CCDC148: variants seen among roughly 807,000 people sequenced by gnomAD.
The protein encoded by CCDC148 is coiled-coil domain-containing protein 148.
CCDC148 carries 89 observed loss-of-function variants against 85.7 expected under a neutral mutation model. That is an observed-to-expected ratio of 1.04 (90% CI 0.87 to 1.24). The LOEUF (loss-of-function observed/expected upper bound fraction) is 1.24, where lower values mean the gene tolerates loss of function less well. CCDC148 is among the 50% of genes most tolerant of loss of function. CCDC148 has a pLI of 0.00. For missense variants in CCDC148, 692 were observed against 671.7 expected (o/e 1.03, Z -0.33); for synonymous variants, 230 against 213.9 (o/e 1.08, Z -0.66).
intron 11 of CCDC148, among the ~76,000 whole-genome samples, chr2:158,185,299 G>A (rs1014890889): frequency 6.6e-6 from 1 of 152,082 alleles, no homozygotes; most frequent in Non-Finnish European, 1.5e-5. Flanking sequence ...CCCTCTGATG[G>A]ACAAAACACT....
intron 2 of CCDC148, among the ~76,000 whole-genome samples, chr2:158,351,885 G>C (rs13017470): frequency 6.8e-6 from 1 of 147,838 alleles, no homozygotes; most frequent in South Asian, 2.2e-4. Flanking sequence ...ATCTGAGAAC[G>C]GGCAGACTGC....
At chr2:158,444,785 G>GAAAAAAAAAAA (rs11433320) in intron 1 of CCDC148, among the ~76,000 whole-genome samples, 1 of 66,662 alleles carries the variant, frequency 1.5e-5, no homozygotes, top group Non-Finnish European at 2.5e-5. Flanking sequence ...ACCCTGTCTT[G>GAAAAAAAAAAA]AAAAAAAAAA....
intron 1 of CCDC148, among the ~76,000 whole-genome samples, chr2:158,406,094 C>T (rs2543645): frequency 0.89 from 135,073 of 151,992 alleles, 60,772 homozygotes; most frequent in Non-Finnish European, 0.96. Context: ...TTTTGATCTC[C>T]CCACCTGCAT....
At chr2:158,258,085 T>C (rs1271859800) in intron 9 of CCDC148, among the ~76,000 whole-genome samples, 1 of 151,902 alleles carries the variant, frequency 6.6e-6, no homozygotes, top group African/African-American at 2.4e-5. Flanking sequence ...ATTCATTAAC[T>C]GGATCATGAA....
At chr2:158,385,631 A>G (rs1685054115) in intron 1 of CCDC148, among the ~76,000 whole-genome samples, 2 of 152,164 alleles carry the variant, frequency 1.3e-5, no homozygotes. Context: ...ATTCATCCTA[A>G]TGATATAATC....
At chr2:158,267,086 C>T (rs1455326754) in intron 9 of CCDC148, among the ~76,000 whole-genome samples, 1 of 151,854 alleles carries the variant, frequency 6.6e-6, no homozygotes, top group Non-Finnish European at 1.5e-5. Flanking sequence ...TCAACCTCTC[C>T]CGAACTAGAT....
chr2:158,272,658 G>A (rs894545341), intron 9 of CCDC148, among the ~76,000 whole-genome samples: 3 of 152,152 alleles, frequency 2.0e-5, no homozygotes, highest in African/African-American at 7.2e-5. Context: ...GCTTATTGCA[G>A]AGGATGAGGC....
chr2:158,364,896 A>T (rs1489097649), intron 1 of CCDC148, among the ~76,000 whole-genome samples: 1 of 152,134 alleles, frequency 6.6e-6, no homozygotes, highest in African/African-American at 2.4e-5. Context: ...TGGGAAAAAA[A>T]TTTTGCAATT....
chr2:158,207,681 G>A (rs1256506121), intron 11 of CCDC148: 1 of 152,158 alleles, frequency 6.6e-6, no homozygotes, highest in Non-Finnish European at 1.5e-5. Context: ...ATTTAATACA[G>A]GCAGGCAGAA....
chr2:158,381,395 C>T (rs532890567), intron 1 of CCDC148, among the ~76,000 whole-genome samples: 1 of 152,176 alleles, frequency 6.6e-6, no homozygotes, highest in South Asian at 2.1e-4. Flanking sequence ...TAGCAAAATC[C>T]AATTTAAAAC....
intron 7 of CCDC148, among the ~76,000 whole-genome samples, chr2:158,337,368 C>T (rs538859130): frequency 6.6e-6 from 1 of 152,088 alleles, no homozygotes; most frequent in Non-Finnish European, 1.5e-5. Flanking sequence ...GCCCTCTCCC[C>T]TACCAAACAA....
intron 10 of CCDC148, among the ~76,000 whole-genome samples, chr2:158,225,805 A>T (rs1485422949): frequency 2.0e-5 from 3 of 152,178 alleles, no homozygotes; most frequent in African/African-American, 7.2e-5. Flanking sequence ...CATTCAAAGC[A>T]GTGTGTAGAG....
At chr2:158,360,404 A>C (rs1387067096) in intron 1 of CCDC148, among the ~76,000 whole-genome samples, 2 of 152,174 alleles carry the variant, frequency 1.3e-5, no homozygotes, top group Admixed American at 6.5e-5. Flanking sequence ...GGGCAGACAG[A>C]CATCTCATAC....
At chr2:158,224,505 C>T (rs1288660861) in intron 10 of CCDC148, among the ~76,000 whole-genome samples, 1 of 152,110 alleles carries the variant, frequency 6.6e-6, no homozygotes, top group Admixed American at 6.6e-5. Flanking sequence ...CTCCAAGACA[C>T]ATAATTGTCA....
chr2:158,196,510 G>C (rs1685677951), intron 11 of CCDC148, among the ~76,000 whole-genome samples: 1 of 152,094 alleles, frequency 6.6e-6, no homozygotes, highest in Admixed American at 6.6e-5. Flanking sequence ...TTAGTATTAA[G>C]ATGGAAAGTG....
intron 10 of CCDC148, among the ~76,000 whole-genome samples, chr2:158,249,354 T>C (rs1688697376): frequency 6.6e-6 from 1 of 152,132 alleles, no homozygotes; most frequent in Non-Finnish European, 1.5e-5. Flanking sequence ...AGTAAATAAT[T>C]GGTAAGTTCC....
chr2:158,281,024 A>C (rs1042422112), intron 9 of CCDC148, among the ~76,000 whole-genome samples: 1 of 152,246 alleles, frequency 6.6e-6, no homozygotes, highest in African/African-American at 2.4e-5. Flanking sequence ...CTCCTGATTG[A>C]TTACTGGGTA....
intron 9 of CCDC148, among the ~76,000 whole-genome samples, chr2:158,281,625 G>A (rs1280894074): frequency 6.6e-6 from 1 of 152,158 alleles, no homozygotes; most frequent in Non-Finnish European, 1.5e-5. Flanking sequence ...TGAAATTGTG[G>A]CAATAATCAA....
chr2:158,392,493 T>G lies in CCDC148; in HGVS notation c.26-33923A>C, dbSNP rs555145694. Among the ~76,000 whole-genome samples, 4 of 152,208 alleles carry G rather than the reference T, an allele frequency of 2.6e-5. No individual in the cohort carries two copies. The East Asian group carries it at 7.7e-4, about 29-fold the overall frequency. ...CAAAAAAATGTCCACTGGAGGAGTA[T>G]TTCAGATTTTAGATTTTTGGATTTG... is the stretch of plus-strand genomic sequence containing the variant. On this transcript the variant is annotated intron_variant, in intron 1 of 13. Transcript: ENST00000283233.
Sources: allele counts gnomAD v4.1 joint callset (sites outside exome capture counted in the v4.1 genomes callset), GRCh38; gene constraint gnomAD v4.1.1; transcripts MANE v1.5; gene names NCBI Gene and HGNC (gene_info 2026-07-23, HGNC 2026-07-21).